The following USP39 variants were observed in gnomAD, a reference collection of about 807,000 sequenced individuals.
USP39 encodes the protein ubiquitin specific peptidase 39, also known as ubiquitin carboxyl-terminal hydrolase 39.
A neutral mutation model predicts 66.4 loss-of-function variants in USP39; 38 were observed. The observed-to-expected ratio is 0.57, with a 90% confidence interval of 0.44 to 0.75. USP39 has a LOEUF of 0.75. Among genes scored for constraint, USP39 ranks in the 30% least tolerant of loss-of-function variants. The pLI is 0.00. For missense variants in USP39, 608 were observed against 714.4 expected, an observed-to-expected ratio of 0.85 and a Z score of 1.70; for synonymous variants, 303 against 274.6, an observed-to-expected ratio of 1.10 and a Z score of -1.02.
At position 85,639,263 on chromosome 2, in the gene USP39, T is replaced by G. The variant is rs747700719; in HGVS notation, c.1156T>G (p.Ser386Ala). ...CGAGTACCAGGAGACAATGGTGGAG[T>G]CCACTTTTATGTACCTGACGCTGGA... ...NDEYQETMVESTFMYLTLDLP... is the reference protein window; with the variant it reads ...NDEYQETMVEATFMYLTLDLP... The change falls in exon 9 of 13, where the codon TCC becomes GCC. Residue 386 changes from serine (S) to alanine (A), a missense_variant. Ser to Ala is a moderately conservative substitution (Grantham distance 99). Transcript: ENST00000323701. The G allele has an allele frequency of 1.2e-6, 2 of 1,613,472 alleles. No homozygotes were observed. The highest frequency in any genetic ancestry group is 1.7e-6 in the Non-Finnish European group (2 of 1,179,876).
chr2:85,641,388 G>C (rs1440636528), intron 10 of USP39, among the ~76,000 whole-genome samples: 1 of 152,200 alleles, frequency 6.6e-6, no homozygotes, highest in African/African-American at 2.4e-5. Flanking sequence ...AAGAAATGAT[G>C]CAAGTAGGAT....
At chr2:85,615,658 G>T (rs1367474458), upstream of USP39, among the ~76,000 whole-genome samples, 1 of 152,010 alleles carries the variant, frequency 6.6e-6, no homozygotes, top group South Asian at 2.1e-4. Flanking sequence ...TTGAGACGGA[G>T]TTTCGCTCGT....
chr2:85,647,912 T>C lies in USP39; in HGVS notation c.1564-18T>C. 1 of 1,613,664 alleles carries C rather than the reference T, an allele frequency of 6.2e-7. No individual in the cohort carries two copies. Among genetic ancestry groups the C allele is most frequent in the Admixed American group, 1.7e-5 (1 of 60,014 alleles). ...GTTTTAGAGAGCAGACTAACCCAGC[T>C]CTTCATACTTTCTGCAGGGGACAGG... On this transcript the variant is annotated intron_variant, in intron 11 of 12. Transcript: ENST00000323701.
rs555444774 is a variant in USP39 at position 85,633,557 on chromosome 2, C to G, written c.950-2496C>G. On this transcript the variant is annotated intron_variant, in intron 6 of 12. Transcript: ENST00000323701. Reference sequence around the variant, plus strand: ...GATCAAGGTGGGTGGATTGCTTGAGCCCAGGAGTTAGAGACCATCCTGCGT... The same window carrying G: ...GATCAAGGTGGGTGGATTGCTTGAGGCCAGGAGTTAGAGACCATCCTGCGT... Among the ~76,000 whole-genome samples, 14 of 152,218 alleles carry G rather than the reference C, an allele frequency of 9.2e-5. No individual in the cohort carries two copies. The South Asian group carries it at 2.7e-3, about 29-fold the overall frequency.
intron 12 of USP39, 143 bp from the exon 13 acceptor site, chr2:85,648,618 C>A: frequency 1.1e-6 from 1 of 930,288 alleles, no homozygotes; most frequent in Non-Finnish European, 1.7e-6. Flanking sequence ...GCTGTAGCCA[C>A]TGTAGCAGAT....
At chr2:85,643,258 A>G (rs1676382488) in intron 10 of USP39, among the ~76,000 whole-genome samples, 1 of 152,118 alleles carries the variant, frequency 6.6e-6, no homozygotes, top group African/African-American at 2.4e-5. Flanking sequence ...TGGGAGGCCA[A>G]GGCGGGCGGA....
intron 2 of USP39, among the ~76,000 whole-genome samples, chr2:85,620,775 A>G (rs1213166488): frequency 6.6e-6 from 1 of 152,150 alleles, no homozygotes; most frequent in Non-Finnish European, 1.5e-5. Flanking sequence ...GTGGCCTCTA[A>G]TAAATTAGAC....
chr2:85,614,872 C>A (rs1258511081), upstream of USP39, among the ~76,000 whole-genome samples: 1 of 152,204 alleles, frequency 6.6e-6, no homozygotes, highest in Non-Finnish European at 1.5e-5. Context: ...GGGAATGCAG[C>A]CTGTCAAGGC....
intron 1 of USP39, 49 bp downstream of exon 1, chr2:85,616,512 T>G (rs755947080): frequency 1.7e-6 from 2 of 1,159,394 alleles, no homozygotes; most frequent in Non-Finnish European, 2.2e-6. Flanking sequence ...TTTTTTCGCG[T>G]CCTTTTTTCT....
intron 1 of USP39, among the ~76,000 whole-genome samples, chr2:85,616,891 C>T (rs189018737): frequency 1.9e-3 from 283 of 151,916 alleles, no homozygotes; most frequent in Non-Finnish European, 3.3e-3. Context: ...GGGGTTTCAT[C>T]GTGTTAGCCA....
upstream of USP39, chr2:85,611,522 G>A (rs1314252685): frequency 1.3e-6 from 2 of 1,550,932 alleles, no homozygotes; most frequent in East Asian, 2.4e-5. Flanking sequence ...ATTCAGCGGA[G>A]ATTTGGGAGC....
upstream of USP39, chr2:85,616,068 G>T (rs1360305375): frequency 3.1e-6 from 4 of 1,293,482 alleles, no homozygotes; most frequent in East Asian, 1.2e-4. Flanking sequence ...TTTCTGCAGC[G>T]TGATTTGTCC....
upstream of USP39, chr2:85,616,114 C>A (rs887507014): frequency 5.8e-6 from 8 of 1,373,484 alleles, no homozygotes; most frequent in African/African-American, 1.1e-4. Flanking sequence ...GGGCTCGCTA[C>A]CAGCCCCTCT....
At chr2:85,633,716 A>C (rs1558865002) in intron 6 of USP39, among the ~76,000 whole-genome samples, 3 of 151,812 alleles carry the variant, frequency 2.0e-5, no homozygotes, top group South Asian at 4.2e-4. Flanking sequence ...TCAGTGAGCC[A>C]TGTTGGTCCC....
intron 1 of USP39, among the ~76,000 whole-genome samples, chr2:85,606,391 G>A (rs151314660): frequency 6.6e-6 from 1 of 152,332 alleles, no homozygotes; most frequent in African/African-American, 2.4e-5. Context: ...AGGCAGGTCT[G>A]GTGAATAAAC....
intron 1 of USP39, among the ~76,000 whole-genome samples, chr2:85,618,206 T>A (rs2104219136): frequency 6.6e-6 from 1 of 152,110 alleles, no homozygotes; most frequent in East Asian, 2.0e-4. Flanking sequence ...GCCGCCTGCC[T>A]CTGCCTCCCA....
At chr2:85,611,372 T>C, upstream of USP39, 1 of 1,448,242 alleles carries the variant, frequency 6.9e-7, no homozygotes, top group Non-Finnish European at 9.0e-7. Context: ...AGACTTTCTC[T>C]TTGCTAGGTA....
At chr2:85,619,917 C>T (rs545461916) in intron 2 of USP39, among the ~76,000 whole-genome samples, 29 of 151,794 alleles carry the variant, frequency 1.9e-4, no homozygotes, top group African/African-American at 6.3e-4. Flanking sequence ...TGCAATGGCG[C>T]GATCTTGGCT....
At chr2:85,636,224 T>C in intron 7 of USP39, 94 bp downstream of exon 7, 1 of 1,215,302 alleles carries the variant, frequency 8.2e-7, no homozygotes, top group Non-Finnish European at 1.2e-6. Context: ...TCCCAGCTCT[T>C]TGAGAGGCCG....
Sources: gnomAD v4.1 joint callset for allele counts (sites outside exome capture counted in the v4.1 genomes callset) on GRCh38, gnomAD v4.1.1 for gene constraint, MANE v1.5 for transcripts, NCBI Gene and HGNC (gene_info 2026-07-23, HGNC 2026-07-21) for gene names.